The following LDLRAD4 variants were observed in gnomAD, a reference collection of about 807,000 sequenced individuals.
LDLRAD4 encodes the protein low density lipoprotein receptor class A domain containing 4.
In LDLRAD4, 5 loss-of-function variants were observed where a neutral mutation model predicts 17.0. That is an observed-to-expected ratio of 0.29 (90% CI 0.15 to 0.62). The LOEUF (loss-of-function observed/expected upper bound fraction) is 0.62. Among genes scored for constraint, LDLRAD4 ranks in the 20% least tolerant of loss-of-function variants. The pLI, the probability that LDLRAD4 is intolerant of heterozygous loss-of-function variation, is 0.84. For missense variants in LDLRAD4, 340 were observed against 424.7 expected (o/e 0.80, Z 1.75); for synonymous variants, 168 against 171.8 (o/e 0.98, Z 0.17).
chr18:13,377,093 G>A (rs768657362), intron 1 of LDLRAD4, among the ~76,000 whole-genome samples: 23 of 152,192 alleles, frequency 1.5e-4, no homozygotes, highest in Non-Finnish European at 2.8e-4. Context: ...GGGACTACCC[G>A]TCAGAAGGCT....
In LDLRAD4 at chr18:13,632,087, C is replaced by G. The variant is rs2041714841; in HGVS notation, c.336+10816C>G. ...ATTAACAGAATGAAGTTGGGGGTCC[C>G]AAACTTCATTCAGCAGGTCCCAAGT... On this transcript the variant is annotated intron_variant, in intron 4 of 5. Transcript: ENST00000359446. 1.3e-5 allele frequency among the ~76,000 whole-genome samples: 2 copies of G among 152,168 alleles called. 1 individual carries two copies. The highest frequency in any genetic ancestry group is 4.1e-4 in the South Asian group (2 of 4,830).
intron 3 of LDLRAD4, among the ~76,000 whole-genome samples, chr18:13,587,817 T>G (rs1046251828): frequency 9.2e-5 from 14 of 152,226 alleles, no homozygotes; most frequent in Admixed American, 4.6e-4. Flanking sequence ...GTTTATTTCC[T>G]TAGCTTTAGA....
intron 2 of LDLRAD4, among the ~76,000 whole-genome samples, chr18:13,408,088 T>C (rs2087942129): frequency 6.6e-6 from 1 of 152,200 alleles, no homozygotes; most frequent in Non-Finnish European, 1.5e-5. Context: ...ATATGAAATA[T>C]GAAGTCCAGG....
intron 1 of LDLRAD4, among the ~76,000 whole-genome samples, chr18:13,380,639 A>G (rs1389401774): frequency 1.3e-5 from 2 of 152,232 alleles, no homozygotes; most frequent in African/African-American, 4.8e-5. Flanking sequence ...ACTTGGTTTG[A>G]ATATAGCCTC....
At chr18:13,569,821 G>A (rs181730917) in intron 3 of LDLRAD4, among the ~76,000 whole-genome samples, 1 of 152,318 alleles carries the variant, frequency 6.6e-6, no homozygotes, top group East Asian at 1.9e-4. Context: ...GAAGGCAGAG[G>A]TTGCAGTGAG....
chr18:13,645,083 A>G lies in LDLRAD4; in HGVS notation c.391-44A>G. 1 of 1,515,246 alleles carries G rather than the reference A, an allele frequency of 6.6e-7. No homozygotes were observed. Among genetic ancestry groups the G allele is most frequent in the Non-Finnish European group, 9.0e-7 (1 of 1,116,572 alleles). 93.9% of individuals were successfully genotyped at this position (1,515,246 alleles called of 1,614,324 possible). ...TGATTCTGACACATTTATGGTCATCATTGCGCTCAAACTGTCTTCAAGCCT... is the reference window on the plus strand; with the variant it reads ...TGATTCTGACACATTTATGGTCATCGTTGCGCTCAAACTGTCTTCAAGCCT... On this transcript the variant is annotated intron_variant, in intron 5 of 5. Coordinates refer to ENST00000359446, the Ensembl canonical transcript of LDLRAD4. This position sits in a 1 kb window ranked among gnomAD's most constrained non-coding sequence, Gnocchi z 5.7.
intron 1 of LDLRAD4, among the ~76,000 whole-genome samples, chr18:13,224,830 C>CTT (rs909909799): frequency 7.0e-6 from 1 of 143,386 alleles, no homozygotes; most frequent in African/African-American, 2.6e-5. Context: ...AAGAGTCTCT[C>CTT]TTTTTTTTTT....
At chr18:13,525,246 T>A (rs1225710969) in intron 3 of LDLRAD4, among the ~76,000 whole-genome samples, 1 of 152,196 alleles carries the variant, frequency 6.6e-6, no homozygotes, top group Non-Finnish European at 1.5e-5. Context: ...AGCTTGGGTG[T>A]CCCTATTTGT....
chr18:13,646,865 C>T (rs2043033362), exon 6 of LDLRAD4: 2 of 152,544 alleles, frequency 1.3e-5, no homozygotes, highest in Admixed American at 6.5e-5. Flanking sequence ...AGCAGCCACC[C>T]CACATCCAGC....
chr18:13,347,727 G>A (rs1308387356), intron 1 of LDLRAD4, among the ~76,000 whole-genome samples: 1 of 152,120 alleles, frequency 6.6e-6, no homozygotes, highest in Non-Finnish European at 1.5e-5. Context: ...CGTAGATTTG[G>A]TCTTTTCACA....
intron 2 of LDLRAD4, among the ~76,000 whole-genome samples, chr18:13,392,741 A>G (rs2086371989): frequency 6.6e-6 from 1 of 152,222 alleles, no homozygotes; most frequent in East Asian, 1.9e-4. Context: ...GGCTTTTTAA[A>G]TTATTTTAAT....
intron 1 of LDLRAD4, among the ~76,000 whole-genome samples, chr18:13,259,972 G>A (rs2043723914): frequency 6.6e-6 from 1 of 152,254 alleles, no homozygotes; most frequent in Admixed American, 6.5e-5. Context: ...ACCTTGGGCT[G>A]TGTGGTCTGT....
intron 2 of LDLRAD4, among the ~76,000 whole-genome samples, chr18:13,405,997 C>G (rs2087705890): frequency 6.6e-6 from 1 of 152,218 alleles, no homozygotes. Flanking sequence ...CACGGTGATT[C>G]TTCCTGTGCA....
intron 2 of LDLRAD4, among the ~76,000 whole-genome samples, chr18:13,390,540 C>A (rs1228794388): frequency 6.6e-6 from 1 of 152,178 alleles, no homozygotes; most frequent in African/African-American, 2.4e-5. Flanking sequence ...TCAGGACTCT[C>A]ATCCTCACAA....
intron 1 of LDLRAD4, among the ~76,000 whole-genome samples, chr18:13,384,573 G>A (rs188979212): frequency 9.9e-5 from 15 of 152,132 alleles, no homozygotes; most frequent in African/African-American, 2.9e-4. Context: ...TTTCTTCATC[G>A]TTCTTCCTCC....
chr18:13,280,947 T>G (rs1162922620), intron 1 of LDLRAD4, among the ~76,000 whole-genome samples: 2 of 152,166 alleles, frequency 1.3e-5, no homozygotes, highest in African/African-American at 4.8e-5. Flanking sequence ...CTTTTTAAGG[T>G]AAAATCAAAG....
At chr18:13,562,148 G>A (rs2094548301) in intron 3 of LDLRAD4, among the ~76,000 whole-genome samples, 1 of 152,234 alleles carries the variant, frequency 6.6e-6, no homozygotes, top group Non-Finnish European at 1.5e-5. Flanking sequence ...GTTGCTTGAT[G>A]TCTCTGAGTT....
chr18:13,294,575 G>A (rs376719598), intron 1 of LDLRAD4, among the ~76,000 whole-genome samples: 2 of 152,280 alleles, frequency 1.3e-5, no homozygotes, highest in East Asian at 3.9e-4. Flanking sequence ...GAGGTCACGC[G>A]ACCTCCTGAG....
Position 13,621,158 on chromosome 18 carries a change from G to C in LDLRAD4, c.223G>C (p.Val75Leu). The change falls in exon 4 of 6, where the codon GTC (valine) becomes CTC (leucine). Residue 75 changes from valine (V) to leucine (L), a missense_variant. Transcript: ENST00000359446. The surrounding 1 kb of genome is among the most constrained non-coding windows in gnomAD (Gnocchi z 5.5). The stretch of plus-strand genomic sequence containing the variant: ...CCAAATCATCATCATCGTCGTGGTG[G>C]TCACGGTGATGGTGGTGGTCATCGT... 6.2e-7 allele frequency: 1 copy of C among 1,614,204 alleles called. No individual in the cohort carries two copies. The highest frequency in any genetic ancestry group is 2.2e-5 in the East Asian group (1 of 44,886).
Sources: allele counts gnomAD v4.1 joint callset (sites outside exome capture counted in the v4.1 genomes callset), GRCh38; gene constraint gnomAD v4.1.1; non-coding constraint Gnocchi (gnomAD v3.1); transcripts MANE v1.5; gene names NCBI Gene and HGNC (gene_info 2026-07-23, HGNC 2026-07-21).